The following PRLR variants were observed in gnomAD, a reference collection of about 807,000 sequenced individuals.
PRLR encodes prolactin receptor.
PRLR carries 13 observed loss-of-function variants against 40.2 expected under a neutral mutation model. That is an observed-to-expected ratio of 0.32 (90% CI 0.21 to 0.51). The LOEUF (loss-of-function observed/expected upper bound fraction) is 0.51, where lower values mean the gene tolerates loss of function less well. Ranked by LOEUF, PRLR falls within the 20% of genes least tolerant of loss-of-function variation. PRLR has a pLI of 0.97. For synonymous variants in PRLR, 269 were observed against 278.7 expected (o/e 0.97, Z 0.35); for missense variants, 656 against 747.3 (o/e 0.88, Z 1.42).
intron 5 of PRLR, among the ~76,000 whole-genome samples, chr5:35,073,367 T>C (rs1042561477): frequency 6.6e-6 from 1 of 152,240 alleles, no homozygotes. Context: ...AACAGCCTGT[T>C]GGCCCAGTCA....
intron 1 of PRLR, among the ~76,000 whole-genome samples, chr5:35,208,810 G>A (rs948869612): frequency 1.3e-5 from 2 of 151,892 alleles, no homozygotes; most frequent in Non-Finnish European, 2.9e-5. Flanking sequence ...GAGTCAAATA[G>A]AAATCTTAAT....
intron 5 of PRLR, among the ~76,000 whole-genome samples, chr5:35,084,060 G>C (rs1770694502): frequency 6.6e-6 from 1 of 152,162 alleles, no homozygotes; most frequent in South Asian, 2.1e-4. Context: ...TGTGGGTGCA[G>C]AATCAGATGA....
At chr5:35,181,994 C>T (rs1775308029) in intron 1 of PRLR, among the ~76,000 whole-genome samples, 1 of 152,116 alleles carries the variant, frequency 6.6e-6, no homozygotes, top group South Asian at 2.1e-4. Context: ...ACTACCAACT[C>T]CCACTGCATT....
rs1228913988 is a variant in PRLR at position 35,075,961 on chromosome 5, C to T, written c.374-3217G>A. ...TGGACCTCCAACAAACTCCAACAGA[C>T]CTGCAGCTGAGGGTCCTGACTGTTA... On this transcript the variant is annotated intron_variant, in intron 5 of 9. Coordinates refer to ENST00000618457, the MANE Select transcript of PRLR (RefSeq NM_000949.7). Among the ~76,000 whole-genome samples the T allele has an allele frequency of 3.3e-5, 5 of 152,296 alleles. No homozygotes were observed. The South Asian group carries it at 1.0e-3, about 32-fold the overall frequency.
intron 1 of PRLR, among the ~76,000 whole-genome samples, chr5:35,163,207 T>C (rs1405630324): frequency 6.6e-6 from 1 of 152,118 alleles, no homozygotes; most frequent in Non-Finnish European, 1.5e-5. Flanking sequence ...AATTTCCCCA[T>C]TTTTGCCCAA....
At chr5:35,147,094 G>C (rs1325779455) in intron 1 of PRLR, among the ~76,000 whole-genome samples, 1 of 152,178 alleles carries the variant, frequency 6.6e-6, no homozygotes, top group Non-Finnish European at 1.5e-5. Context: ...CAAGCCATTA[G>C]AGGTCAGTCC....
At chr5:35,228,074 C>T (rs1483584085) in intron 1 of PRLR, among the ~76,000 whole-genome samples, 1 of 152,062 alleles carries the variant, frequency 6.6e-6, no homozygotes, top group Non-Finnish European at 1.5e-5. Flanking sequence ...CATTCTTCTA[C>T]TAATGTAAGC....
chr5:35,100,631 G>T (rs1441465114), intron 2 of PRLR, among the ~76,000 whole-genome samples: 3 of 152,164 alleles, frequency 2.0e-5, no homozygotes, highest in Non-Finnish European at 4.4e-5. Flanking sequence ...ATCCCATCTA[G>T]GTTTGTGTAA....
At chr5:35,091,091 C>T (rs1228404726) in intron 2 of PRLR, among the ~76,000 whole-genome samples, 2 of 152,038 alleles carry the variant, frequency 1.3e-5, no homozygotes, top group African/African-American at 2.4e-5. Flanking sequence ...GGATTACAGG[C>T]GTGAGCCACC....
chr5:35,118,958 C>T (rs13168862), intron 1 of PRLR, among the ~76,000 whole-genome samples: 9,235 of 151,860 alleles, frequency 0.061, 384 homozygotes, highest in African/African-American at 0.11. Flanking sequence ...TTACACCTGG[C>T]GAAGTTTTTG....
intron 1 of PRLR, among the ~76,000 whole-genome samples, chr5:35,174,289 C>T (rs1001248129): frequency 6.6e-6 from 1 of 152,126 alleles, no homozygotes; most frequent in East Asian, 1.9e-4. Flanking sequence ...GGAGTTTCAC[C>T]ATGTTGCCCA....
At chr5:35,049,243 G>C (rs1316265138) in exon 9 of PRLR, 8 of 702,810 alleles carry the variant, frequency 1.1e-5, no homozygotes, top group Admixed American at 2.0e-5. Context: ...GGACAGAGGG[G>C]AGAAAATGTT....
rs1296546737 is a variant in PRLR at position 35,118,084 on chromosome 5, T to C, written c.-67A>G. ...ACCTTCAGGGTTCATGTGGAAAGCATCCTCAGTGTTCGCCTCCATGAATAG... is the reference window on the plus strand; with the variant it reads ...ACCTTCAGGGTTCATGTGGAAAGCACCCTCAGTGTTCGCCTCCATGAATAG... On this transcript the variant is annotated 5_prime_UTR_variant, in exon 2 of 10. The change abolishes an upstream ATG in the 5' untranslated region. Transcript: ENST00000618457. 1 of 985,570 alleles carries C rather than the reference T, an allele frequency of 1.0e-6. No homozygotes were observed. Among genetic ancestry groups the C allele is most frequent in the Non-Finnish European group, 1.2e-6 (1 of 829,824 alleles). The allele number at this position is 985,570 out of a possible 1,614,324, so 61.1% of individuals were successfully genotyped here. A position where few individuals can be genotyped will look rare whatever the true frequency, so the allele number is the denominator to read the frequency against.
intron 2 of PRLR, among the ~76,000 whole-genome samples, chr5:35,108,947 T>C (rs1245129166): frequency 2.0e-5 from 3 of 152,154 alleles, no homozygotes; most frequent in Admixed American, 1.3e-4. Context: ...GGAGGCATCA[T>C]GCTGCCTGAC....
At chr5:35,096,742 A>G (rs1197054180) in intron 2 of PRLR, among the ~76,000 whole-genome samples, 4 of 151,396 alleles carry the variant, frequency 2.6e-5, no homozygotes, top group African/African-American at 9.7e-5. Context: ...TGCCTTAGTC[A>G]CCAGAGTAGC....
chr5:35,207,606 A>G (rs1339770026), intron 1 of PRLR, among the ~76,000 whole-genome samples: 3 of 140,274 alleles, frequency 2.1e-5, no homozygotes, highest in African/African-American at 8.0e-5. Flanking sequence ...CAAATTACCA[A>G]TGGGAGATTG....
rs545161981 is a variant in PRLR, at chr5:35,066,066, A to T, written c.892T>A (p.Cys298Ser). The part of the protein sequence containing the change: ...KSEELLSALG[C>S]QDFPPTSDYE... ...TCAGAAGTGGGAGGAAAGTCTTGGCATCCCAAGGCACTCAGTAGTTCTTCA... is the reference window on the plus strand; with the variant it reads ...TCAGAAGTGGGAGGAAAGTCTTGGCTTCCCAAGGCACTCAGTAGTTCTTCA... Residue 298 changes from cysteine to serine, a missense_variant, in exon 10 of 10, where the codon TGC becomes AGC. Coordinates refer to ENST00000618457, the MANE Select transcript of PRLR (RefSeq NM_000949.7). The T allele has an allele frequency of 6.2e-7, 1 of 1,614,124 alleles. No homozygotes were observed. Among genetic ancestry groups the T allele is most frequent in the East Asian group, 2.2e-5 (1 of 44,872 alleles).
chr5:35,162,814 C>T (rs1303560348), intron 1 of PRLR, among the ~76,000 whole-genome samples: 1 of 152,234 alleles, frequency 6.6e-6, no homozygotes, highest in Non-Finnish European at 1.5e-5. Flanking sequence ...ATCCTGTCTC[C>T]ATTGTGACCC....
In PRLR at chr5:35,072,770, A is replaced by G. The variant is rs200407570; in HGVS notation, c.374-26T>C. 2.1e-4 allele frequency: 337 copies of G among 1,607,708 alleles called. 1 individual carries two copies. The highest frequency in any genetic ancestry group is 2.6e-4 in the Non-Finnish European group (303 of 1,178,216). On this transcript the variant is annotated intron_variant, in intron 5 of 9. Coordinates refer to ENST00000618457, the MANE Select transcript of PRLR (RefSeq NM_000949.7). The stretch of plus-strand genomic sequence containing the variant: ...CTGCAGAAATACAGCAAATGCCAGT[A>G]GCACTCATTGCTTGCACCTTTTCTT...
Sources: gnomAD v4.1 joint callset for allele counts (sites outside exome capture counted in the v4.1 genomes callset) on GRCh38, gnomAD v4.1.1 for gene constraint, MANE v1.5 for transcripts, NCBI Gene and HGNC (gene_info 2026-07-23, HGNC 2026-07-21) for gene names.